CHST15: variants seen among roughly 807,000 people sequenced by gnomAD.
CHST15 encodes B cell RAG associated protein (GALNAC4S-6ST).
In CHST15, 30 loss-of-function variants were observed where a neutral mutation model predicts 53.6. That is an observed-to-expected ratio of 0.56 (90% confidence interval 0.42 to 0.76). The LOEUF is 0.76. Ranked by LOEUF, CHST15 falls within the 30% of genes least tolerant of loss-of-function variation. The pLI is 0.00. For missense variants in CHST15, 627 were observed against 740.5 expected (o/e 0.85, Z 1.78); for synonymous variants, 296 against 289.8 (o/e 1.02, Z -0.22).
chr10:124,018,713 T>C (rs551063855), intron 6 of CHST15, among the ~76,000 whole-genome samples: 1 of 152,306 alleles, frequency 6.6e-6, no homozygotes, highest in East Asian at 1.9e-4. Flanking sequence ...TCAATAGTGA[T>C]GGCAGTTCAG....
At chr10:124,026,966 G>C (rs1590207388) in intron 5 of CHST15, among the ~76,000 whole-genome samples, 1 of 152,136 alleles carries the variant, frequency 6.6e-6, no homozygotes. Flanking sequence ...CCAGGATAGC[G>C]TGGGGGCCAG....
chr10:124,080,653 T>C (rs1399266555), intron 1 of CHST15, among the ~76,000 whole-genome samples: 3 of 152,200 alleles, frequency 2.0e-5, no homozygotes, highest in Non-Finnish European at 2.9e-5. Flanking sequence ...TCAGAAGAGT[T>C]GAAGACATTG....
intron 1 of CHST15, among the ~76,000 whole-genome samples, chr10:124,084,654 A>G (rs1949362187): frequency 6.6e-6 from 1 of 152,196 alleles, no homozygotes; most frequent in Admixed American, 6.5e-5. Flanking sequence ...CACCACACAG[A>G]GGCCTTCACA....
chr10:124,065,673 C>T (rs1590323403), intron 1 of CHST15, among the ~76,000 whole-genome samples: 1 of 152,186 alleles, frequency 6.6e-6, no homozygotes, highest in African/African-American at 2.4e-5. Flanking sequence ...CCACCAACCT[C>T]AAGAGCCCCT....
Position 124,009,579 on chromosome 10 carries a change from C to A in CHST15, c.*570G>T, listed in dbSNP as rs376439574. On this transcript the variant is annotated 3_prime_UTR_variant, in exon 8 of 8. Coordinates refer to ENST00000435907, the MANE Select transcript of CHST15 (RefSeq NM_001270764.2). ...AAGAGCCTCCATTCTCGAAAGACTGCGGTTCTCTGTCCCAGTGAGGTTAGC... is the reference window on the plus strand; with the variant it reads ...AAGAGCCTCCATTCTCGAAAGACTGAGGTTCTCTGTCCCAGTGAGGTTAGC... The A allele has an allele frequency of 6.1e-6, 6 of 988,816 alleles. No homozygotes were observed. The highest frequency in any genetic ancestry group is 1.1e-4 in the East Asian group (1 of 8,850). 61.3% of individuals were successfully genotyped at this position (988,816 alleles called of 1,614,324 possible). A position where few individuals can be genotyped will look rare whatever the true frequency, so the allele number is the denominator to read the frequency against.
In CHST15 at chr10:124,036,616, CAA is replaced by C. The variant is rs1176312984; in HGVS notation, c.1190+1897_1190+1898del. Among the ~76,000 whole-genome samples, 1 of 151,962 alleles carries C rather than the reference CAA, an allele frequency of 6.6e-6. No homozygotes were observed. The highest frequency in any genetic ancestry group is 1.9e-4 in the East Asian group (1 of 5,184). ...AGCATGTTTCTGGGGGGCAACAATG[CAA>C]AGTGAAAGAAGCAGGACATAAGACT... is the stretch of plus-strand genomic sequence containing the variant. On this transcript the variant is annotated intron_variant, in intron 5 of 7. Coordinates refer to ENST00000435907, the MANE Select transcript of CHST15 (RefSeq NM_001270764.2). This position sits in a 1 kb window ranked among gnomAD's most constrained non-coding sequence, Gnocchi z 5.1.
intron 5 of CHST15, among the ~76,000 whole-genome samples, chr10:124,029,177 C>T (rs901819876): frequency 6.6e-6 from 1 of 152,050 alleles, no homozygotes; most frequent in African/African-American, 2.4e-5. Context: ...TTTTTTCCTA[C>T]CAGGAAAAAA....
chr10:124,068,631 G>A (rs2134144987), intron 1 of CHST15, among the ~76,000 whole-genome samples: 1 of 152,272 alleles, frequency 6.6e-6, no homozygotes. Context: ...GCAATAACTA[G>A]TCCTTCATAT....
intron 1 of CHST15, among the ~76,000 whole-genome samples, chr10:124,089,235 C>A (rs1590388195): frequency 6.6e-6 from 1 of 152,326 alleles, no homozygotes; most frequent in East Asian, 1.9e-4. Context: ...TCACAAGCTG[C>A]TAAAGAGAAG....
At chr10:124,086,874 A>T (rs961605953) in intron 1 of CHST15, among the ~76,000 whole-genome samples, 2 of 152,198 alleles carry the variant, frequency 1.3e-5, no homozygotes, top group Non-Finnish European at 2.9e-5. Context: ...CAGTAATGGG[A>T]CGAAGCAGCA....
rs560654583 is a variant in CHST15, at chr10:124,052,380, A to C, written c.-512-5656T>G. Among the ~76,000 whole-genome samples, 224 of 152,336 alleles carry C rather than the reference A, an allele frequency of 1.5e-3. 1 individual carries two copies. Among genetic ancestry groups the C allele is most frequent in the Admixed American group, 2.9e-3 (44 of 15,306 alleles). On this transcript the variant is annotated intron_variant, in intron 1 of 7. Transcript: ENST00000435907. ...AGTTTTGATCACATCCCAGTCAATAAGCAGAATAAAGCCACACCACTCCGT... is the reference window on the plus strand; with the variant it reads ...AGTTTTGATCACATCCCAGTCAATACGCAGAATAAAGCCACACCACTCCGT...
rs1444076235 is a variant in CHST15, at chr10:124,038,105, TTTA to T, written c.1190+407_1190+409del. ...TCCGTTTATTTTTGTTTGTTTTTATTTTATTTTATTTTTTTTTTTGAGATGGAG... is the reference window on the plus strand; with the variant it reads ...TCCGTTTATTTTTGTTTGTTTTTATTTTTTATTTTTTTTTTTGAGATGGAG... On this transcript the variant is annotated intron_variant, in intron 5 of 7. Transcript: ENST00000435907. 1.5e-3 allele frequency among the ~76,000 whole-genome samples: 212 copies of T among 141,518 alleles called. 4 individuals carry two copies. The highest frequency in any genetic ancestry group is 5.1e-3 in the African/African-American group (203 of 39,576). 92.8% of individuals were successfully genotyped at this position (141,518 alleles called of 152,430 possible).
rs1223168934 is a variant in CHST15 at position 124,035,106 on chromosome 10, C to CCCCGGCTCCGCCCCCTAACAGGGAT, written c.1190+3408_1190+3409insATCCCTGTTAGGGGGCGGAGCCGGG. ...ACGCCGGCTCCACCCCTAACAGGGA[C>CCCCGGCTCCGCCCCCTAACAGGGAT]CCCGGCTCCGCCCCCTAACAGGGAC... On this transcript the variant is annotated intron_variant, in intron 5 of 7. Transcript: ENST00000435907. Among the ~76,000 whole-genome samples, 519 of 128,006 alleles carry CCCCGGCTCCGCCCCCTAACAGGGAT rather than the reference C, an allele frequency of 4.1e-3. 3 individuals are homozygous for CCCCGGCTCCGCCCCCTAACAGGGAT. Among genetic ancestry groups the CCCCGGCTCCGCCCCCTAACAGGGAT allele is most frequent in the Non-Finnish European group, 6.9e-3 (416 of 60,210 alleles). The allele number at this position is 128,006 out of a possible 152,430, so 84.0% of individuals were successfully genotyped here.
At chr10:124,010,638 C>T (rs1397762484) in intron 7 of CHST15, 2 of 985,456 alleles carry the variant, frequency 2.0e-6, no homozygotes, top group East Asian at 2.3e-4. Flanking sequence ...GATTCCCTTC[C>T]AATTGCCCTT....
At chr10:124,065,998 C>T (rs1021641055) in intron 1 of CHST15, among the ~76,000 whole-genome samples, 2 of 152,130 alleles carry the variant, frequency 1.3e-5, no homozygotes, top group African/African-American at 4.8e-5. Context: ...TCAAAAGCAT[C>T]GAGTATTCGG....
chr10:124,059,717 G>A (rs377181740), intron 1 of CHST15, among the ~76,000 whole-genome samples: 20 of 152,290 alleles, frequency 1.3e-4, no homozygotes, highest in Middle Eastern at 3.4e-3. Context: ...TACAGGCGGC[G>A]CGACTGAAAG....
chr10:124,073,677 C>A (rs1473626605), intron 1 of CHST15, among the ~76,000 whole-genome samples: 1 of 152,230 alleles, frequency 6.6e-6, no homozygotes, highest in East Asian at 1.9e-4. Flanking sequence ...ATTCGACAGG[C>A]GCATGAATGA....
intron 5 of CHST15, among the ~76,000 whole-genome samples, chr10:124,028,546 A>G (rs1214975450): frequency 6.6e-6 from 1 of 152,182 alleles, no homozygotes; most frequent in East Asian, 1.9e-4. Flanking sequence ...CTGTGTGAAC[A>G]CCACCACTCC....
At chr10:124,091,007 C>T (rs1949586612) in intron 1 of CHST15, among the ~76,000 whole-genome samples, 1 of 152,224 alleles carries the variant, frequency 6.6e-6, no homozygotes, top group African/African-American at 2.4e-5. Flanking sequence ...AAGCCCAGAC[C>T]TGCAGCTCCA....
Sources: allele counts gnomAD v4.1 joint callset (sites outside exome capture counted in the v4.1 genomes callset), GRCh38; gene constraint gnomAD v4.1.1; non-coding constraint Gnocchi (gnomAD v3.1); transcripts MANE v1.5; gene names NCBI Gene and HGNC (gene_info 2026-07-23, HGNC 2026-07-21).